LRP1B: variants seen among roughly 807,000 people sequenced by gnomAD.
LRP1B encodes the protein low-density lipoprotein receptor-related protein 1B.
Under a neutral mutation model 556.6 loss-of-function variants are expected in LRP1B, and 217 were observed. The ratio of observed to expected loss-of-function variants is 0.39; its 90% CI spans 0.35 to 0.44. LRP1B has a LOEUF of 0.44. Ranked by LOEUF, LRP1B falls within the 20% of genes least tolerant of loss-of-function variation. The probability of loss-of-function intolerance (pLI) is 1.00; values close to 1 mark genes in which losing one functional copy is unlikely to be tolerated. For synonymous variants in LRP1B, 2,047 were observed against 1,865.8 expected (o/e 1.10, Z -2.50); for missense variants, 5,053 against 5,620.8 (o/e 0.90, Z 3.23).
chr2:141,401,810 T>A (rs924754104), intron 3 of LRP1B, among the ~76,000 whole-genome samples: 1 of 152,182 alleles, frequency 6.6e-6, no homozygotes, highest in African/African-American at 2.4e-5. Context: ...CACTACCATA[T>A]GTTACAAGGA....
intron 1 of LRP1B, among the ~76,000 whole-genome samples, chr2:142,039,055 C>T (rs151257812): frequency 6.6e-6 from 1 of 151,586 alleles, no homozygotes; most frequent in East Asian, 1.9e-4. Context: ...TGATTCACAC[C>T]TGAAGACTTC....
At chr2:141,399,058 C>A (rs1690351566) in intron 3 of LRP1B, among the ~76,000 whole-genome samples, 1 of 152,068 alleles carries the variant, frequency 6.6e-6, no homozygotes, top group East Asian at 1.9e-4. Context: ...GAGTTTGAGA[C>A]CAGTCTGTCC....
At chr2:141,235,012 T>C (rs2105305848) in intron 5 of LRP1B, among the ~76,000 whole-genome samples, 1 of 152,214 alleles carries the variant, frequency 6.6e-6, no homozygotes, top group African/African-American at 2.4e-5. Flanking sequence ...AAAAAGCTCT[T>C]TACCAAAATG....
intron 2 of LRP1B, among the ~76,000 whole-genome samples, chr2:141,570,688 T>C (rs2105262661): frequency 6.6e-6 from 1 of 151,416 alleles, no homozygotes; most frequent in East Asian, 1.9e-4. Flanking sequence ...TCCATCTCTA[T>C]AGCTTCAGGC....
intron 1 of LRP1B, among the ~76,000 whole-genome samples, chr2:142,005,609 TAAAAG>T (rs1473206783): frequency 2.6e-5 from 4 of 152,288 alleles, no homozygotes; most frequent in East Asian, 1.9e-4. Context: ...TAATGATGAA[TAAAAG>T]AAAAGAATTA....
chr2:141,055,701 A>T (rs1199715390), intron 9 of LRP1B, among the ~76,000 whole-genome samples: 1 of 151,868 alleles, frequency 6.6e-6, no homozygotes, highest in African/African-American at 2.4e-5. Flanking sequence ...AAACTAGAGG[A>T]AATGTGATTC....
At chr2:140,599,679 C>T (rs1682578948) in intron 42 of LRP1B, among the ~76,000 whole-genome samples, 1 of 151,996 alleles carries the variant, frequency 6.6e-6, no homozygotes, top group Admixed American at 6.6e-5. Flanking sequence ...AAAAGTTATG[C>T]ATAGAATGTA....
At chr2:140,680,129 A>G (rs1051711735) in intron 41 of LRP1B, among the ~76,000 whole-genome samples, 8 of 152,176 alleles carry the variant, frequency 5.3e-5, no homozygotes, top group Non-Finnish European at 7.4e-5. Context: ...GGGCCCACTT[A>G]AGAGTAAGAA....
chr2:140,587,526 A>C (rs1219961529), intron 43 of LRP1B, among the ~76,000 whole-genome samples: 1 of 152,172 alleles, frequency 6.6e-6, no homozygotes, highest in Admixed American at 6.5e-5. Flanking sequence ...AAAAAGTCAG[A>C]CTCTTATTAG....
intron 2 of LRP1B, among the ~76,000 whole-genome samples, chr2:141,485,012 G>T (rs12622205): frequency 0.27 from 41,513 of 152,028 alleles, 6,843 homozygotes; most frequent in East Asian, 0.61. Flanking sequence ...TACCCATCTG[G>T]TGGCCAGAAG....
intron 1 of LRP1B, among the ~76,000 whole-genome samples, chr2:142,079,936 T>C (rs1224624979): frequency 6.6e-6 from 1 of 152,226 alleles, no homozygotes; most frequent in Non-Finnish European, 1.5e-5. Context: ...CTATAAAGGA[T>C]AATCAGAATT....
At chr2:141,119,718 GTGTGTGTGTGTGTGTGTGTC>G (rs1332414637) in intron 7 of LRP1B, among the ~76,000 whole-genome samples, 2 of 148,718 alleles carry the variant, frequency 1.3e-5, no homozygotes, top group Non-Finnish European at 3.0e-5. Context: ...CCAAGAGGTT[GTGTGTGTGTGTGTGTGTGTC>G]TGTGTGTGTG....
chr2:140,941,973 A>G (rs928629098), intron 20 of LRP1B, among the ~76,000 whole-genome samples: 24 of 152,162 alleles, frequency 1.6e-4, no homozygotes, highest in African/African-American at 5.3e-4. Context: ...ACAGACATAG[A>G]ATTCAGAAAC....
At chr2:141,504,519 C>A (rs1448545452) in intron 2 of LRP1B, among the ~76,000 whole-genome samples, 1 of 151,974 alleles carries the variant, frequency 6.6e-6, no homozygotes. Context: ...GAATTCCAAC[C>A]AAGGAACAAA....
At chr2:141,193,768 C>T (rs1320125820) in intron 6 of LRP1B, among the ~76,000 whole-genome samples, 1 of 150,918 alleles carries the variant, frequency 6.6e-6, no homozygotes, top group Non-Finnish European at 1.5e-5. Flanking sequence ...AAAGTCAAAT[C>T]TTGCTTAAAA....
chr2:140,234,903 T>C lies in LRP1B; in HGVS notation c.13561-19A>G. On this transcript the variant is annotated intron_variant, in intron 89 of 90. Coordinates refer to ENST00000389484, the MANE Select transcript of LRP1B (RefSeq NM_018557.3). ...ACCTGGCCTGTATATAAACAGAAAA[T>C]TTTAGTTTCTGATCTAATATTATAG... The C allele has an allele frequency of 1.3e-6, 1 of 757,750 alleles. No homozygotes were observed. The highest frequency in any genetic ancestry group is 1.4e-5 in the South Asian group (1 of 71,018). The allele number at this position is 757,750 out of a possible 1,614,324, so 46.9% of individuals were successfully genotyped here.
chr2:141,738,209 G>GA (rs1180994610), intron 2 of LRP1B, among the ~76,000 whole-genome samples: 1 of 151,994 alleles, frequency 6.6e-6, no homozygotes, highest in Non-Finnish European at 1.5e-5. Context: ...AAAAATTAAA[G>GA]AAAAAAATTA....
intron 51 of LRP1B, among the ~76,000 whole-genome samples, chr2:140,513,836 C>T (rs1333753005): frequency 1.3e-5 from 2 of 151,986 alleles, no homozygotes; most frequent in South Asian, 2.1e-4. Context: ...ATGATAACAG[C>T]TGCCACCAAA....
chr2:140,909,810 T>A (rs556867587), intron 21 of LRP1B, among the ~76,000 whole-genome samples: 1 of 151,044 alleles, frequency 6.6e-6, no homozygotes, highest in African/African-American at 2.4e-5. Flanking sequence ...AAAAACAGAT[T>A]TCATATCTAT....
Sources: gnomAD v4.1 joint callset for allele counts (sites outside exome capture counted in the v4.1 genomes callset) on GRCh38, gnomAD v4.1.1 for gene constraint, MANE v1.5 for transcripts, NCBI Gene and HGNC (gene_info 2026-07-23, HGNC 2026-07-21) for gene names.